RRM2: variants seen among roughly 807,000 people sequenced by gnomAD.
The protein encoded by RRM2 is ribonucleoside-diphosphate reductase subunit M2.
RRM2 carries 6 observed loss-of-function variants against 45.9 expected under a neutral mutation model. That is an observed-to-expected ratio of 0.13 (90% CI 0.07 to 0.26). RRM2 has a LOEUF of 0.26. Ranked by LOEUF, RRM2 falls within the 10% of genes least tolerant of loss-of-function variation. RRM2 has a pLI of 1.00. For synonymous variants in RRM2, 177 were observed against 173.0 expected, an observed-to-expected ratio of 1.02 and a Z score of -0.18; for missense variants, 343 against 489.5, an observed-to-expected ratio of 0.70 and a Z score of 2.82.
At chr2:10,137,392 T>C (rs1663008512), upstream of RRM2, among the ~76,000 whole-genome samples, 2 of 152,212 alleles carry the variant, frequency 1.3e-5, no homozygotes, top group African/African-American at 4.8e-5. Flanking sequence ...AAGGGTTTGG[T>C]CATGCCTACA....
At chr2:10,210,306 A>G (rs368120630) in intron 3 of RRM2, 24 of 1,364,590 alleles carry the variant, frequency 1.8e-5, no homozygotes, top group Non-Finnish European at 2.3e-5. Flanking sequence ...TTCCTGTCCA[A>G]TCAGTCTTCC....
intron 3 of RRM2, among the ~76,000 whole-genome samples, chr2:10,191,625 G>A (rs1302803624): frequency 6.6e-6 from 1 of 152,092 alleles, no homozygotes; most frequent in Non-Finnish European, 1.5e-5. Flanking sequence ...AGGCAATTGG[G>A]GCCTTCCTGG....
chr2:10,201,317 C>T (rs778900113), intron 3 of RRM2, among the ~76,000 whole-genome samples: 16 of 152,080 alleles, frequency 1.1e-4, no homozygotes, highest in Non-Finnish European at 2.1e-4. Context: ...GGGAGCACAC[C>T]AAACTGTCAA....
chr2:10,123,039 C>T lies in RRM2; in HGVS notation c.156C>T (p.Phe52=), dbSNP rs960746254. 3 of 1,565,978 alleles carry T rather than the reference C, an allele frequency of 1.9e-6. No homozygotes were observed. Among genetic ancestry groups the T allele is most frequent in the Non-Finnish European group, 2.6e-6 (3 of 1,163,320 alleles). The part of the protein sequence containing the change: ...VLASKTARRI[F]QEPTEPKTKA... ...CCAGCAAGACCGCGAGGAGGATCTTCCAGGAGCCCACGGAGCCGGTGAGTG... is the reference window on the plus strand; with the variant it reads ...CCAGCAAGACCGCGAGGAGGATCTTTCAGGAGCCCACGGAGCCGGTGAGTG... Residue 52 remains phenylalanine (F), a synonymous_variant, in exon 2 of 10, where the codon TTC becomes TTT. Coordinates refer to ENST00000304567, the MANE Select transcript of RRM2 (RefSeq NM_001034.4).
intron 2 of RRM2, chr2:10,142,031 T>A: frequency 6.3e-7 from 1 of 1,586,720 alleles, no homozygotes; most frequent in Admixed American, 1.8e-5. Context: ...TGCTCTTTCA[T>A]GTGGGGAGCC....
chr2:10,200,470 AAAATATGAGGCCCACAGGCACCG>A (rs1664533170), intron 3 of RRM2, among the ~76,000 whole-genome samples: 1 of 68,266 alleles, frequency 1.5e-5, no homozygotes, highest in Non-Finnish European at 3.4e-5. Flanking sequence ...CCGCGCGCGC[AAAATATGAGGCCCACAGGCACCG>A]CGCACACAAA....
chr2:10,178,502 C>CA (rs1663978963), intron 3 of RRM2, among the ~76,000 whole-genome samples: 1 of 152,152 alleles, frequency 6.6e-6, no homozygotes, highest in Non-Finnish European at 1.5e-5. Flanking sequence ...GAATTACAGG[C>CA]ATGAGCCACT....
At chr2:10,160,978 G>A (rs1016162162) in intron 3 of RRM2, among the ~76,000 whole-genome samples, 6 of 152,186 alleles carry the variant, frequency 3.9e-5, no homozygotes, top group African/African-American at 1.2e-4. Context: ...TGGTCGCTCC[G>A]TCCTTCCGAG....
intron 3 of RRM2, among the ~76,000 whole-genome samples, chr2:10,157,236 G>T (rs1466038877): frequency 6.6e-6 from 1 of 152,052 alleles, no homozygotes; most frequent in Non-Finnish European, 1.5e-5. Context: ...CACCATGTTG[G>T]CCAGACTGGT....
At position 10,122,827 on chromosome 2, in the gene RRM2, C is replaced by G; in HGVS notation, c.29C>G (p.Pro10Arg). The part of the protein sequence containing the change: MLSLRVPLA[P>R]ITDPQQLQLS... Reference sequence around the variant, plus strand: ...CTCTCCCTCCGTGTCCCGCTCGCGCCCATCACGGACCCGCAGCAGCTGCAG... The same window carrying G: ...CTCTCCCTCCGTGTCCCGCTCGCGCGCATCACGGACCCGCAGCAGCTGCAG... The change falls in exon 1 of 10, where the codon CCC becomes CGC. Residue 10 changes from proline (P) to arginine (R), a missense_variant. By Grantham distance (103) the Pro-to-Arg change is moderately radical (BLOSUM62 -2). This residue lies in a region of RRM2 where 131 missense variants were observed against 121.4 expected (regional missense o/e 1.08). Coordinates refer to ENST00000304567, the MANE Select transcript of RRM2 (RefSeq NM_001034.4). 2 of 1,599,300 alleles carry G rather than the reference C, an allele frequency of 1.3e-6. No individual in the cohort carries two copies. Among genetic ancestry groups the G allele is most frequent in the Non-Finnish European group, 1.7e-6 (2 of 1,174,554 alleles).
intron 3 of RRM2, among the ~76,000 whole-genome samples, chr2:10,196,908 T>G (rs887961): frequency 0.31 from 47,083 of 152,024 alleles, 8,421 homozygotes; most frequent in East Asian, 0.52. Context: ...GCGCATCCCT[T>G]TTGAGACCAC....
intron 3 of RRM2, among the ~76,000 whole-genome samples, chr2:10,180,715 A>T (rs1359853195): frequency 6.6e-6 from 1 of 152,140 alleles, no homozygotes; most frequent in Admixed American, 6.5e-5. Flanking sequence ...CAGGGCAGGA[A>T]GTCATCCTCC....
intron 3 of RRM2, among the ~76,000 whole-genome samples, chr2:10,188,797 C>T (rs947406324): frequency 6.6e-6 from 1 of 152,140 alleles, no homozygotes. Flanking sequence ...GAGGGTCAGG[C>T]GCTCAGCTAG....
chr2:10,210,385 C>T, exon 4 of RRM2: 1 of 1,367,788 alleles, frequency 7.3e-7, no homozygotes, highest in Non-Finnish European at 9.8e-7. Flanking sequence ...GGGAGAGCCA[C>T]CGTGGTGCTC....
chr2:10,170,679 C>T (rs557330325), intron 3 of RRM2, among the ~76,000 whole-genome samples: 2 of 152,274 alleles, frequency 1.3e-5, no homozygotes, highest in Middle Eastern at 3.4e-3. Flanking sequence ...CTCCCCCTCT[C>T]CTCCCTCCTC....
chr2:10,188,939 G>C (rs537456693), intron 3 of RRM2, among the ~76,000 whole-genome samples: 101 of 152,248 alleles, frequency 6.6e-4, no homozygotes, highest in Non-Finnish European at 1.1e-3. Flanking sequence ...GGGAGGCGCC[G>C]GCGCCCCATG....
At chr2:10,193,226 T>C (rs1363945681) in intron 3 of RRM2, among the ~76,000 whole-genome samples, 4 of 152,190 alleles carry the variant, frequency 2.6e-5, no homozygotes, top group Admixed American at 6.5e-5. Context: ...TCACTTGCCC[T>C]TTAATGATCA....
chr2:10,201,932 G>T (rs1268836289), intron 3 of RRM2, among the ~76,000 whole-genome samples: 1 of 152,148 alleles, frequency 6.6e-6, no homozygotes, highest in Non-Finnish European at 1.5e-5. Flanking sequence ...TACTATGAAT[G>T]TTAAACCGAA....
intron 3 of RRM2, among the ~76,000 whole-genome samples, chr2:10,189,757 A>G (rs372451618): frequency 1.3e-5 from 2 of 152,220 alleles, no homozygotes; most frequent in African/African-American, 2.4e-5. Flanking sequence ...TGATGTGCTT[A>G]AAAGTCTTAC....
Sources: allele counts gnomAD v4.1 joint callset (sites outside exome capture counted in the v4.1 genomes callset), GRCh38; gene constraint gnomAD v4.1.1; regional missense constraint gnomAD v4.1.1; transcripts MANE v1.5; gene names NCBI Gene and HGNC (gene_info 2026-07-23, HGNC 2026-07-21).